The following TTC28 variants were observed in gnomAD, a reference collection of about 807,000 sequenced individuals.
TTC28 encodes tetratricopeptide repeat domain 28, also known as tetratricopeptide repeat protein 28.
TTC28 carries 61 observed loss-of-function variants against 198.0 expected under a neutral mutation model. The ratio of observed to expected loss-of-function variants is 0.31; its 90% confidence interval spans 0.25 to 0.38. The LOEUF (loss-of-function observed/expected upper bound fraction) is 0.38, where lower values mean the gene tolerates loss of function less well. TTC28 is among the 10% of genes least tolerant of loss of function. TTC28 has a pLI of 1.00. For synonymous variants in TTC28, 1,171 were observed against 1,297.8 expected (o/e 0.90, Z 2.10); for missense variants, 2,678 against 3,164.0 (o/e 0.85, Z 3.69).
At chr22:28,636,258 T>G (rs2051269851) in intron 1 of TTC28, among the ~76,000 whole-genome samples, 1 of 148,466 alleles carries the variant, frequency 6.7e-6, no homozygotes, top group Non-Finnish European at 1.5e-5. Flanking sequence ...CCCAAGTAGC[T>G]GGGACTACAG....
In TTC28 at chr22:28,269,879, G is replaced by A. The variant is rs549073233; in HGVS notation, c.933+26319C>T. Reference sequence around the variant, plus strand: ...AACCTCTATAGTGAGAAGAGTGAAGGGAAGAAAGAAGCACAAGATAGAACA... The same window carrying A: ...AACCTCTATAGTGAGAAGAGTGAAGAGAAGAAAGAAGCACAAGATAGAACA... On this transcript the variant is annotated intron_variant, in intron 5 of 22. Transcript: ENST00000397906. Among the ~76,000 whole-genome samples the A allele has an allele frequency of 2.6e-5, 4 of 152,050 alleles. No individual in the cohort carries two copies. The South Asian group carries it at 8.3e-4, about 32-fold the overall frequency.
chr22:28,287,496 G>A (rs1212229042), intron 5 of TTC28, among the ~76,000 whole-genome samples: 1 of 152,166 alleles, frequency 6.6e-6, no homozygotes, highest in Non-Finnish European at 1.5e-5. Context: ...TTGAGAAAGA[G>A]AGCATCAATG....
At chr22:28,057,798 G>GT (rs1940349125) in intron 12 of TTC28, among the ~76,000 whole-genome samples, 1 of 151,924 alleles carries the variant, frequency 6.6e-6, no homozygotes, top group Non-Finnish European at 1.5e-5. Context: ...GTTCAAGATT[G>GT]TTTTTTTCTG....
chr22:28,391,789 T>A (rs955748447), intron 2 of TTC28, among the ~76,000 whole-genome samples: 2 of 152,210 alleles, frequency 1.3e-5, no homozygotes, highest in African/African-American at 4.8e-5. Flanking sequence ...TGATTTGAAT[T>A]TCCTCCCGTA....
chr22:28,086,326 G>A (rs541232387), intron 12 of TTC28, among the ~76,000 whole-genome samples: 1 of 152,132 alleles, frequency 6.6e-6, no homozygotes, highest in South Asian at 2.1e-4. Context: ...TCAGACCACA[G>A]TGCAATCAAA....
At chr22:28,526,019 G>A (rs1248479508) in intron 2 of TTC28, among the ~76,000 whole-genome samples, 1 of 152,170 alleles carries the variant, frequency 6.6e-6, no homozygotes, top group Non-Finnish European at 1.5e-5. Context: ...TAATGAACAA[G>A]TCAAAACAAT....
intron 13 of TTC28, among the ~76,000 whole-genome samples, chr22:28,026,585 C>G (rs768289998): frequency 6.6e-6 from 1 of 152,158 alleles, no homozygotes; most frequent in South Asian, 2.1e-4. Context: ...GACCCCCAAC[C>G]AAGCTGAGGT....
chr22:28,061,452 C>T (rs1245885092), intron 12 of TTC28, among the ~76,000 whole-genome samples: 1 of 152,170 alleles, frequency 6.6e-6, no homozygotes, highest in Non-Finnish European at 1.5e-5. Context: ...CCAGTTTTCC[C>T]AGCACCATTT....
chr22:28,435,137 C>T (rs1245003534), intron 2 of TTC28, among the ~76,000 whole-genome samples: 1 of 152,152 alleles, frequency 6.6e-6, no homozygotes, highest in Non-Finnish European at 1.5e-5. Flanking sequence ...TCTAAAAATG[C>T]TGCTTAGTAT....
At position 28,591,008 on chromosome 22, in the gene TTC28, AACACAC is replaced by A. The variant is rs55694132; in HGVS notation, c.381+38538_381+38543del. On this transcript the variant is annotated intron_variant, in intron 2 of 22. Coordinates refer to ENST00000397906, the MANE Select transcript of TTC28 (RefSeq NM_001145418.2). ...GCGACAAGAGAGAAACTCTGCCTCAAACACACACACACACACACACACACACACACA... is the reference window on the plus strand; with the variant it reads ...GCGACAAGAGAGAAACTCTGCCTCAAACACACACACACACACACACACACA... 8.9e-3 allele frequency among the ~76,000 whole-genome samples: 488 copies of A among 54,766 alleles called. 7 individuals carry two copies. Among genetic ancestry groups the A allele is most frequent in the African/African-American group, 0.015 (218 of 14,496 alleles). 35.9% of individuals were successfully genotyped at this position (54,766 alleles called of 152,430 possible).
intron 1 of TTC28, among the ~76,000 whole-genome samples, chr22:28,669,211 A>G (rs1212941750): frequency 2.9e-5 from 4 of 138,392 alleles, no homozygotes; most frequent in Admixed American, 7.4e-5. Flanking sequence ...TAGATGACAC[A>G]TTAGTGGGTG....
chr22:28,576,004 C>T (rs1479253078), intron 2 of TTC28, among the ~76,000 whole-genome samples: 1 of 151,952 alleles, frequency 6.6e-6, no homozygotes, highest in African/African-American at 2.4e-5. Flanking sequence ...TTTCTCTTGT[C>T]TGATAGCTAG....
intron 2 of TTC28, among the ~76,000 whole-genome samples, chr22:28,407,966 G>GA (rs1223432301): frequency 2.6e-5 from 4 of 152,202 alleles, no homozygotes; most frequent in South Asian, 2.1e-4. Context: ...CAATATTCTG[G>GA]AAAAAATTGT....
At chr22:28,128,665 A>C (rs1942977340) in intron 6 of TTC28, among the ~76,000 whole-genome samples, 1 of 152,096 alleles carries the variant, frequency 6.6e-6, no homozygotes, top group African/African-American at 2.4e-5. Context: ...CAGTCTCCCC[A>C]GTGGCTGGGA....
chr22:28,327,543 T>C (rs1286787529), intron 2 of TTC28, among the ~76,000 whole-genome samples: 1 of 152,180 alleles, frequency 6.6e-6, no homozygotes, highest in African/African-American at 2.4e-5. Context: ...TATTGATCAG[T>C]TGACAAAAAG....
At chr22:28,234,218 T>C (rs928505103) in intron 5 of TTC28, among the ~76,000 whole-genome samples, 2 of 151,806 alleles carry the variant, frequency 1.3e-5, no homozygotes, top group Non-Finnish European at 2.9e-5. Context: ...ATTTTTTGTA[T>C]TTTAGTAGAG....
At chr22:28,088,176 T>A (rs1427797316) in intron 12 of TTC28, among the ~76,000 whole-genome samples, 2 of 152,118 alleles carry the variant, frequency 1.3e-5, no homozygotes, top group African/African-American at 2.4e-5. Flanking sequence ...AAAGTTCATA[T>A]GGCACCAAAA....
At chr22:28,427,097 T>C (rs1212057637) in intron 2 of TTC28, among the ~76,000 whole-genome samples, 2 of 152,220 alleles carry the variant, frequency 1.3e-5, no homozygotes, top group Non-Finnish European at 2.9e-5. Flanking sequence ...TTCTAAGCAC[T>C]GTAAAAAATT....
chr22:28,478,207 C>A lies in TTC28; in HGVS notation c.381+151345G>T, dbSNP rs868393839. 4.9e-4 allele frequency among the ~76,000 whole-genome samples: 75 copies of A among 152,208 alleles called. 2 individuals are homozygous for A. Among genetic ancestry groups the A allele is most frequent in the Admixed American group, 4.1e-3 (62 of 15,284 alleles). ...CTTTTCTAGCTGTAGTAATGGTAGT[C>A]ATATTTTTTAAAAGTCCTGTCCAGG... is the stretch of plus-strand genomic sequence containing the variant. On this transcript the variant is annotated intron_variant, in intron 2 of 22. Transcript: ENST00000397906.
Sources: gnomAD v4.1 joint callset for allele counts (sites outside exome capture counted in the v4.1 genomes callset) on GRCh38, gnomAD v4.1.1 for gene constraint, MANE v1.5 for transcripts, NCBI Gene and HGNC (gene_info 2026-07-23, HGNC 2026-07-21) for gene names.